Variants in CAMTA1 observed in about 807,000 individuals in gnomAD.
CAMTA1 encodes the protein calmodulin-binding transcription activator 1.
CAMTA1 carries 27 observed loss-of-function variants against 170.9 expected under a neutral mutation model. The observed-to-expected ratio is 0.16, with a 90% confidence interval of 0.12 to 0.22. CAMTA1 has a LOEUF of 0.22. Ranked by LOEUF, CAMTA1 falls within the 10% of genes least tolerant of loss-of-function variation. CAMTA1 has a pLI of 1.00. For synonymous variants in CAMTA1, 833 were observed against 891.5 expected (o/e 0.93, Z 1.17); for missense variants, 1,619 against 2,217.2 (o/e 0.73, Z 5.42).
At chr1:7,573,841 T>G (rs1243366029) in intron 6 of CAMTA1, among the ~76,000 whole-genome samples, 4 of 152,198 alleles carry the variant, frequency 2.6e-5, no homozygotes, top group Non-Finnish European at 5.9e-5. Flanking sequence ...TGGCGCCATC[T>G]TGGCTCAGTA....
chr1:7,464,619 T>C (rs762486720), intron 5 of CAMTA1, among the ~76,000 whole-genome samples: 1 of 152,068 alleles, frequency 6.6e-6, no homozygotes, highest in Non-Finnish European at 1.5e-5. Flanking sequence ...AGAGGGAATC[T>C]CCTGTCCTTC....
At chr1:7,549,708 C>T (rs867593579) in intron 6 of CAMTA1, among the ~76,000 whole-genome samples, 13 of 151,462 alleles carry the variant, frequency 8.6e-5, no homozygotes, top group Admixed American at 7.2e-4. Flanking sequence ...ACCTGTGGGC[C>T]GGGAGAGACA....
intron 11 of CAMTA1, among the ~76,000 whole-genome samples, chr1:7,715,482 G>GAAT (rs1235163828): frequency 1.3e-4 from 19 of 151,174 alleles, no homozygotes; most frequent in African/African-American, 4.4e-4. Flanking sequence ...AGCCAGACTG[G>GAAT]AATGCAGTGG....
intron 4 of CAMTA1, among the ~76,000 whole-genome samples, chr1:7,137,842 C>A (rs1343614824): frequency 6.6e-6 from 1 of 152,216 alleles, no homozygotes; most frequent in Non-Finnish European, 1.5e-5. Context: ...CATCTCCCTC[C>A]TCTCCACTGC....
In CAMTA1 at chr1:6,917,563, G is replaced by C. The variant is rs192822979; in HGVS notation, c.234+92353G>C. Among the ~76,000 whole-genome samples the C allele has an allele frequency of 2.2e-3, 327 of 152,002 alleles. 1 individual carries two copies. Among genetic ancestry groups the C allele is most frequent in the African/African-American group, 6.6e-3 (272 of 41,418 alleles). The stretch of plus-strand genomic sequence containing the variant: ...TGGCCATCGATCAGACATTGAGGGT[G>C]GGGGGAAGGGAGGCGTTAAGGACAG... On this transcript the variant is annotated intron_variant, in intron 3 of 22. Transcript: ENST00000303635.
At chr1:7,655,452 C>A (rs115143491) in intron 7 of CAMTA1, among the ~76,000 whole-genome samples, 2 of 146,422 alleles carry the variant, frequency 1.4e-5, no homozygotes, top group Admixed American at 1.4e-4. Context: ...TACACACATA[C>A]CTATACACAA....
chr1:7,488,058 G>C (rs998758822), intron 6 of CAMTA1, among the ~76,000 whole-genome samples: 1 of 152,172 alleles, frequency 6.6e-6, no homozygotes, highest in East Asian at 1.9e-4. Flanking sequence ...ACTCTCTGCA[G>C]TCTCTCTGGA....
In CAMTA1 at chr1:7,427,994, A is replaced by G. The variant is rs546240252; in HGVS notation, c.439-39836A>G. Among the ~76,000 whole-genome samples the G allele has an allele frequency of 1.4e-4, 22 of 152,332 alleles. No individual in the cohort carries two copies. In the East Asian group the frequency reaches 3.7e-3, roughly 25 times the overall value. On this transcript the variant is annotated intron_variant, in intron 5 of 22. Coordinates refer to ENST00000303635, the MANE Select transcript of CAMTA1 (RefSeq NM_015215.4). ...CAGACCTGGCAAGGGAGGCTCCAGG[A>G]CGTGCTGCTGCCACGGGAGGGAAGC...
chr1:7,293,965 A>G lies in CAMTA1; in HGVS notation c.438+44339A>G, dbSNP rs767758828. Among the ~76,000 whole-genome samples the G allele has an allele frequency of 2.6e-4, 40 of 152,228 alleles. No individual in the cohort carries two copies. Among genetic ancestry groups the G allele is most frequent in the Admixed American group, 7.9e-4 (12 of 15,284 alleles). ...GCACTTCCCACCTGTTAAAGCTTGC[A>G]AAGATATCATCGGCAGGCATTTTCC... On this transcript the variant is annotated intron_variant, in intron 5 of 22. Transcript: ENST00000303635. This position sits in a 1 kb window ranked among gnomAD's most constrained non-coding sequence, Gnocchi z 4.1.
At chr1:6,922,888 G>T (rs908569415) in intron 3 of CAMTA1, among the ~76,000 whole-genome samples, 1 of 152,130 alleles carries the variant, frequency 6.6e-6, no homozygotes, top group Non-Finnish European at 1.5e-5. Context: ...ACCCCCTTCC[G>T]TTAAGTGTTC....
intron 3 of CAMTA1, among the ~76,000 whole-genome samples, chr1:6,846,629 C>T (rs941526326): frequency 3.3e-5 from 5 of 152,200 alleles, no homozygotes; most frequent in African/African-American, 1.2e-4. Context: ...TCCCAAAACA[C>T]AGGTTATTTC....
chr1:7,689,956 A>G (rs530081875), intron 11 of CAMTA1, among the ~76,000 whole-genome samples: 1 of 152,286 alleles, frequency 6.6e-6, no homozygotes, highest in Non-Finnish European at 1.5e-5. Context: ...TCAGGAGTTC[A>G]AGACCAGCTT....
intron 5 of CAMTA1, among the ~76,000 whole-genome samples, chr1:7,392,145 T>C (rs188622795): frequency 1.2e-3 from 186 of 152,262 alleles, no homozygotes; most frequent in African/African-American, 4.4e-3. Flanking sequence ...TTTAGTTGGC[T>C]GGGCACTGTG....
At chr1:6,880,383 G>GTTTTTTTTTTTTTTTT (rs34745856) in intron 3 of CAMTA1, among the ~76,000 whole-genome samples, 26 of 67,204 alleles carry the variant, frequency 3.9e-4, no homozygotes, top group African/African-American at 1.5e-3. Flanking sequence ...CTCTAAAAGT[G>GTTTTTTTTTTTTTTTT]TTTTTTTTTT....
chr1:7,555,875 C>A (rs2094869824), intron 6 of CAMTA1, among the ~76,000 whole-genome samples: 2 of 152,226 alleles, frequency 1.3e-5, no homozygotes, highest in African/African-American at 4.8e-5. Context: ...CAGCTCCAAT[C>A]TAAGCCGCTA....
At chr1:6,807,652 G>T (rs1264443177) in intron 1 of CAMTA1, among the ~76,000 whole-genome samples, 1 of 151,582 alleles carries the variant, frequency 6.6e-6, no homozygotes, top group African/African-American at 2.4e-5. Context: ...TCCAGGAGGC[G>T]GAGGTTGCAG....
intron 6 of CAMTA1, among the ~76,000 whole-genome samples, chr1:7,523,304 T>C (rs1257033253): frequency 1.3e-5 from 2 of 152,260 alleles, no homozygotes; most frequent in African/African-American, 4.8e-5. Context: ...TTAGCTATTC[T>C]ATTCTAATAT....
chr1:7,235,624 C>T lies in CAMTA1; in HGVS notation c.303-13867C>T, dbSNP rs11579977. ...CCTGGGTGACAAAGCGAGACTTTGT[C>T]TCCAAAAAGAAAAGAAAAATGAAAG... On this transcript the variant is annotated intron_variant, in intron 4 of 22. Transcript: ENST00000303635. Among the ~76,000 whole-genome samples, 720 of 152,200 alleles carry T rather than the reference C, an allele frequency of 4.7e-3. 3 individuals are homozygous for T. The highest frequency in any genetic ancestry group is 9.2e-3 in the Admixed American group (141 of 15,286).
At chr1:7,033,964 C>CAGAA (rs1259410394) in intron 3 of CAMTA1, among the ~76,000 whole-genome samples, 1 of 152,122 alleles carries the variant, frequency 6.6e-6, no homozygotes, top group East Asian at 1.9e-4. Flanking sequence ...TTAACCCTTT[C>CAGAA]ACATTTCGCT....
Sources: gnomAD v4.1 joint callset for allele counts (sites outside exome capture counted in the v4.1 genomes callset) on GRCh38, gnomAD v4.1.1 for gene constraint, Gnocchi (gnomAD v3.1) non-coding constraint, MANE v1.5 for transcripts, NCBI Gene and HGNC (gene_info 2026-07-23, HGNC 2026-07-21) for gene names.